THSD7A: variants seen among roughly 807,000 people sequenced by gnomAD.
THSD7A encodes the protein thrombospondin type 1 domain containing 7A.
A neutral mutation model predicts 231.3 loss-of-function variants in THSD7A; 96 were observed. The ratio of observed to expected loss-of-function variants is 0.41; its 90% CI spans 0.35 to 0.49. The LOEUF (loss-of-function observed/expected upper bound fraction) is 0.49, where lower values mean the gene tolerates loss of function less well. Ranked by LOEUF, THSD7A falls within the 20% of genes least tolerant of loss-of-function variation. The pLI is 0.05. For missense variants in THSD7A, 2,290 were observed against 2,070.2 expected (o/e 1.11, Z -2.06); for synonymous variants, 940 against 743.3 (o/e 1.26, Z -4.30).
chr7:11,448,270 A>G (rs1247537485), intron 11 of THSD7A, among the ~76,000 whole-genome samples: 1 of 152,138 alleles, frequency 6.6e-6, no homozygotes, highest in African/African-American at 2.4e-5. Context: ...TTGAACATAT[A>G]CATATGAGTG....
chr7:11,784,264 C>T (rs1259343058), intron 1 of THSD7A, among the ~76,000 whole-genome samples: 1 of 150,832 alleles, frequency 6.6e-6, no homozygotes, highest in Non-Finnish European at 1.5e-5. Flanking sequence ...ATATATACAT[C>T]CTTTTTATTC....
chr7:11,756,508 C>T (rs1408723986), intron 1 of THSD7A, among the ~76,000 whole-genome samples: 1 of 151,906 alleles, frequency 6.6e-6, no homozygotes, highest in Non-Finnish European at 1.5e-5. Context: ...GTCTAATGCA[C>T]TTGTTTGGTA....
chr7:11,403,148 G>T (rs6460815), intron 22 of THSD7A, among the ~76,000 whole-genome samples: 2,406 of 152,112 alleles, frequency 0.016, 71 homozygotes, highest in African/African-American at 0.055. Flanking sequence ...AATTCACAAG[G>T]GTTTCTTATC....
chr7:11,778,738 A>C (rs1222305856), intron 1 of THSD7A, among the ~76,000 whole-genome samples: 2 of 152,164 alleles, frequency 1.3e-5, no homozygotes, highest in African/African-American at 2.4e-5. Context: ...TCTCATATTA[A>C]CTGAATCATA....
At chr7:11,549,514 A>T (rs2128325557) in intron 4 of THSD7A, among the ~76,000 whole-genome samples, 1 of 152,300 alleles carries the variant, frequency 6.6e-6, no homozygotes, top group East Asian at 1.9e-4. Context: ...AATAGCAAAG[A>T]CATGGAATCA....
intron 23 of THSD7A, among the ~76,000 whole-genome samples, chr7:11,388,580 T>C (rs1782856805): frequency 6.6e-6 from 1 of 152,206 alleles, no homozygotes. Context: ...TTGTTCTCTC[T>C]TTTCTTCTTT....
In THSD7A at chr7:11,613,538, C is replaced by T. The variant is rs150304302; in HGVS notation, c.1023-20036G>A. ...GAAATATACCTCTCACTCCTATGAA[C>T]GTCAGTCAGTTTCTTTCTACAGTCA... On this transcript the variant is annotated intron_variant, in intron 2 of 27. Coordinates refer to ENST00000423059, the MANE Select transcript of THSD7A (RefSeq NM_015204.3). Among the ~76,000 whole-genome samples the T allele has an allele frequency of 4.4e-3, 666 of 152,194 alleles. 2 individuals are homozygous for T. Among genetic ancestry groups the T allele is most frequent in the African/African-American group, 5.5e-3 (228 of 41,518 alleles).
In THSD7A at chr7:11,636,759, C is replaced by A. The variant is rs1781877671; in HGVS notation, c.393G>T (p.Gln131His). 1 of 1,613,884 alleles carries A rather than the reference C, an allele frequency of 6.2e-7. No individual in the cohort carries two copies. Among genetic ancestry groups the A allele is most frequent in the Admixed American group, 1.7e-5 (1 of 59,996 alleles). ...LYDWRLGPWN[Q>H]CQPVISKSLE... ...GGCTTTTTGAAATCACGGGCTGACACTGATTCCAAGGTCCCAGTCTCCAGT... is the reference window on the plus strand; with the variant it reads ...GGCTTTTTGAAATCACGGGCTGACAATGATTCCAAGGTCCCAGTCTCCAGT... The change falls in exon 2 of 28, where the codon CAG (glutamine) becomes CAT (histidine). Residue 131 changes from glutamine to histidine, a missense_variant. Physicochemically the swap from Gln to His is conservative, Grantham distance 24. Transcript: ENST00000423059. This position sits in a 1 kb window ranked among gnomAD's most constrained non-coding sequence, Gnocchi z 10.0.
intron 8 of THSD7A, among the ~76,000 whole-genome samples, chr7:11,473,349 TTA>T (rs1225295919): frequency 6.6e-6 from 1 of 152,124 alleles, no homozygotes; most frequent in Non-Finnish European, 1.5e-5. Context: ...TAGATTACTA[TTA>T]TATGTTTCAT....
intron 6 of THSD7A, among the ~76,000 whole-genome samples, chr7:11,502,340 A>G (rs62438226): frequency 0.074 from 11,253 of 152,148 alleles, 562 homozygotes; most frequent in Admixed American, 0.13. Flanking sequence ...ACAACAACAA[A>G]AACTTCAGGC....
chr7:11,570,041 G>A (rs1322940032), intron 4 of THSD7A, among the ~76,000 whole-genome samples: 1 of 152,058 alleles, frequency 6.6e-6, no homozygotes, highest in Non-Finnish European at 1.5e-5. Context: ...GCATGGTAGT[G>A]TATGCCTGTA....
chr7:11,546,201 C>CGT (rs1338103726), intron 4 of THSD7A, among the ~76,000 whole-genome samples: 25 of 59,110 alleles, frequency 4.2e-4, no homozygotes, highest in African/African-American at 1.7e-3. Context: ...TGTGGGCGCG[C>CGT]GCTCACACAC....
intron 23 of THSD7A, chr7:11,384,434 CCTT>C (rs1782648738): frequency 6.6e-6 from 1 of 151,500 alleles, no homozygotes; most frequent in African/African-American, 2.4e-5. Context: ...TTTAGGAAAT[CCTT>C]CTCTACCTTG....
chr7:11,450,777 G>A (rs1373956310), intron 11 of THSD7A, among the ~76,000 whole-genome samples: 1 of 151,962 alleles, frequency 6.6e-6, no homozygotes, highest in Non-Finnish European at 1.5e-5. Flanking sequence ...GCATGTATAT[G>A]TCATATCTAA....
intron 23 of THSD7A, among the ~76,000 whole-genome samples, chr7:11,398,867 T>A (rs1452514087): frequency 1.3e-5 from 2 of 152,206 alleles, no homozygotes; most frequent in African/African-American, 4.8e-5. Context: ...GTAATTGACA[T>A]TGTGGACTTA....
intron 6 of THSD7A, among the ~76,000 whole-genome samples, chr7:11,500,487 G>T (rs114465062): frequency 0.015 from 2,223 of 152,054 alleles, 63 homozygotes; most frequent in African/African-American, 0.051. Flanking sequence ...AATGTAAATG[G>T]GCTAAATAAC....
chr7:11,525,943 G>A (rs1227761510), intron 6 of THSD7A, among the ~76,000 whole-genome samples: 1 of 152,158 alleles, frequency 6.6e-6, no homozygotes, highest in African/African-American at 2.4e-5. Flanking sequence ...TTCACTGCAA[G>A]AAAGTTATCT....
At chr7:11,746,867 A>T (rs143604767) in intron 1 of THSD7A, among the ~76,000 whole-genome samples, 2,481 of 151,950 alleles carry the variant, frequency 0.016, 53 homozygotes, top group African/African-American at 0.056. Context: ...AGATTATTTT[A>T]AATCTTCTAT....
At chr7:11,398,178 C>G (rs182922913) in intron 23 of THSD7A, among the ~76,000 whole-genome samples, 1 of 151,532 alleles carries the variant, frequency 6.6e-6, no homozygotes, top group Non-Finnish European at 1.5e-5. Context: ...AAATGTGGCA[C>G]GTATACACCA....
Sources: allele counts gnomAD v4.1 joint callset (sites outside exome capture counted in the v4.1 genomes callset), GRCh38; gene constraint gnomAD v4.1.1; non-coding constraint Gnocchi (gnomAD v3.1); transcripts MANE v1.5; gene names NCBI Gene and HGNC (gene_info 2026-07-23, HGNC 2026-07-21).